Variants in IRF6 observed in about 807,000 individuals in gnomAD.
IRF6 encodes interferon regulatory factor 6.
IRF6 carries 6 observed loss-of-function variants against 51.4 expected under a neutral mutation model. That is an observed-to-expected ratio of 0.12 (90% CI 0.06 to 0.23). IRF6 has a LOEUF of 0.23. Among genes scored for constraint, IRF6 ranks in the 10% least tolerant of loss-of-function variants. IRF6 has a pLI of 1.00. For missense variants in IRF6, 348 were observed against 585.2 expected (o/e 0.59, Z 4.18); for synonymous variants, 178 against 215.7 (o/e 0.83, Z 1.53).
chr1:209,795,328 A>T lies in IRF6; in HGVS notation c.470T>A (p.Val157Asp). Residue 157 changes from valine (V) to aspartate (D), a missense_variant, in exon 5 of 9, where the codon GTT becomes GAT. Physicochemically the swap from Val to Asp is radical, Grantham distance 152 (BLOSUM62 -3). Transcript: ENST00000367021. ...GAAGGGGAAGGTGTCCTGGATGGGA[A>T]CATGGTGCTGCGACTGATCCAGCTC... Reference protein sequence around the residue: ...EDELDQSQHHVPIQDTFPFLN... With the variant: ...EDELDQSQHHDPIQDTFPFLN... 11 of 1,614,198 alleles carry T rather than the reference A, an allele frequency of 6.8e-6. No individual in the cohort carries two copies. Among genetic ancestry groups the T allele is most frequent in the African/African-American group, 1.3e-5 (1 of 75,054 alleles).
At position 209,788,039 on chromosome 1, in the gene IRF6, G is replaced by A. The variant is rs2077844944; in HGVS notation, c.*381C>T. On this transcript the variant is annotated 3_prime_UTR_variant, in exon 9 of 9. Transcript: ENST00000367021. ...AGAAGGTCATTGAGTCCGTTCTAAA[G>A]CTGGATGCAATTTCAGGCACTACTC... 3.7e-6 allele frequency: 1 copy of A among 270,160 alleles called. No individual in the cohort carries two copies. The highest frequency in any genetic ancestry group is 5.1e-5 in the Admixed American group (1 of 19,748). The allele number at this position is 270,160 out of a possible 1,614,324, so 16.7% of individuals were successfully genotyped here.
Position 209,801,398 on chromosome 1 carries a change from G to C in IRF6, c.16C>G (p.Arg6Gly). The C allele has an allele frequency of 1.2e-6, 2 of 1,603,166 alleles. No homozygotes were observed. The highest frequency in any genetic ancestry group is 1.7e-6 in the Non-Finnish European group (2 of 1,175,380). MALHP[R>G]RVRLKPWLVA... ...AGCCAGGGCTTTAGCCGGACTCTGCGGGGGTGGAGGGCCATGATCTGGGGG... is the reference window on the plus strand; with the variant it reads ...AGCCAGGGCTTTAGCCGGACTCTGCCGGGGTGGAGGGCCATGATCTGGGGG... Residue 6 changes from arginine to glycine, a missense_variant, in exon 3 of 9, where the codon CGC becomes GGC. Transcript: ENST00000367021.
Position 209,788,266 on chromosome 1 carries a change from T to C in IRF6, c.*154A>G, listed in dbSNP as rs2077846006. The C allele has an allele frequency of 1.6e-6, 1 of 634,482 alleles. No individual in the cohort carries two copies. The highest frequency in any genetic ancestry group is 2.0e-5 in the South Asian group (1 of 50,264). 39.3% of individuals were successfully genotyped at this position (634,482 alleles called of 1,614,324 possible). On this transcript the variant is annotated 3_prime_UTR_variant, in exon 9 of 9. Coordinates refer to ENST00000367021, the MANE Select transcript of IRF6 (RefSeq NM_006147.4). ...TCTGAAGGGTGATTTTTCCATAAAT[T>C]AAATCAGCTTTAAATCTAGGCATAT...
At chr1:209,798,550 C>T (rs533299614) in intron 3 of IRF6, among the ~76,000 whole-genome samples, 129 of 152,314 alleles carry the variant, frequency 8.5e-4, no homozygotes, top group Middle Eastern at 3.4e-3. Context: ...AGGACCCACC[C>T]AGATTGCACT....
intron 1 of IRF6, among the ~76,000 whole-genome samples, chr1:209,805,161 C>T (rs765706693): frequency 4.5e-4 from 69 of 152,178 alleles, no homozygotes; most frequent in Non-Finnish European, 4.3e-4. Context: ...CACCCAAGCG[C>T]CTTCCTCTCT....
At chr1:209,794,839 C>G (rs1436400423) in intron 5 of IRF6, among the ~76,000 whole-genome samples, 1 of 152,214 alleles carries the variant, frequency 6.6e-6, no homozygotes, top group East Asian at 1.9e-4. Context: ...CTATCAGCTA[C>G]AGACATCACA....
intron 5 of IRF6, 118 bp from the exon 6 acceptor site, chr1:209,792,545 G>A (rs746192464): frequency 4.2e-5 from 44 of 1,057,486 alleles, no homozygotes; most frequent in Non-Finnish European, 4.9e-5. Context: ...CTGACCCAGT[G>A]TGATCTTCCA....
At position 209,801,234 on chromosome 1, in the gene IRF6, C is replaced by A; in HGVS notation, c.174+6G>T. The A allele has an allele frequency of 6.2e-7, 1 of 1,600,298 alleles. No individual in the cohort carries two copies. Among genetic ancestry groups the A allele is most frequent in the Non-Finnish European group, 8.5e-7 (1 of 1,169,842 alleles). On this transcript the variant is annotated splice_donor_region_variant and intron_variant, in intron 3 of 8. Transcript: ENST00000367021. ...GAAAGGTCTGATGGTAGAAGAAGTC[C>A]TTTACCTTAAAAATGGTATTTTCCT...
chr1:209,797,589 T>G (rs755178211), intron 3 of IRF6, among the ~76,000 whole-genome samples: 2 of 152,030 alleles, frequency 1.3e-5, no homozygotes, highest in Non-Finnish European at 2.9e-5. Context: ...TAAAACCACT[T>G]CGACTCCTTC....
Position 209,792,298 on chromosome 1 carries a change from G to A in IRF6, c.638C>T (p.Ser213Phe). 6.2e-7 allele frequency: 1 copy of A among 1,614,220 alleles called. No homozygotes were observed. Among genetic ancestry groups the A allele is most frequent in the East Asian group, 2.2e-5 (1 of 44,886 alleles). ...PQAPIQPFYSSPELWISSLPM... is the reference protein window; with the variant it reads ...PQAPIQPFYSFPELWISSLPM... ...GAGAGAGCTGATCCACAGTTCTGGA[G>A]AGCTATAGAAGGGCTGTATAGGTGC... is the stretch of plus-strand genomic sequence containing the variant. The change falls in exon 6 of 9, where the codon TCT becomes TTT. Residue 213 changes from serine to phenylalanine, a missense_variant. Ser to Phe is a radical substitution (Grantham distance 155). Around this residue, in one of 5 missense-constraint regions of IRF6, gnomAD observed 124 missense variants for 141.6 expected, o/e 0.88. Coordinates refer to ENST00000367021, the MANE Select transcript of IRF6 (RefSeq NM_006147.4).
At chr1:209,797,692 C>G (rs2077911729) in intron 3 of IRF6, among the ~76,000 whole-genome samples, 1 of 152,198 alleles carries the variant, frequency 6.6e-6, no homozygotes, top group African/African-American at 2.4e-5. Flanking sequence ...CTAAGCCGCT[C>G]AAGTCATAGA....
intron 1 of IRF6, among the ~76,000 whole-genome samples, chr1:209,804,182 T>A (rs937567367): frequency 6.6e-6 from 1 of 152,192 alleles, no homozygotes; most frequent in Admixed American, 6.5e-5. Flanking sequence ...GTAACAACAA[T>A]CCTTTGTATC....
In IRF6 at chr1:209,796,555, G is replaced by C; in HGVS notation, c.175-3C>G. 6.2e-7 allele frequency: 1 copy of C among 1,612,066 alleles called. No individual in the cohort carries two copies. Among genetic ancestry groups the C allele is most frequent in the Non-Finnish European group, 8.5e-7 (1 of 1,179,716 alleles). ...TTCCCTGTCTCTACAGCCCAGGCCT[G>C]AGAACAAGAAACCACAGTGAGTCCT... On this transcript the variant is annotated splice_polypyrimidine_tract_variant and splice_region_variant and intron_variant, in intron 3 of 8. Coordinates refer to ENST00000367021, the MANE Select transcript of IRF6 (RefSeq NM_006147.4). This position sits in a 1 kb window ranked among gnomAD's most constrained non-coding sequence, Gnocchi z 4.5.
At chr1:209,801,204 A>AT in intron 3 of IRF6, 36 bp downstream of exon 3, 1 of 1,492,232 alleles carries the variant, frequency 6.7e-7, no homozygotes, top group Non-Finnish European at 9.2e-7. Context: ...AAAAAAAAAA[A>AT]TCCAGAAAGG....
At chr1:209,795,139 CCT>C in intron 5 of IRF6, 149 bp downstream of exon 5, 1 of 916,890 alleles carries the variant, frequency 1.1e-6, no homozygotes, top group South Asian at 1.3e-5. Context: ...GAGTTCCTCA[CCT>C]CTGACTCCCA....
At position 209,796,573 on chromosome 1, in the gene IRF6, T is replaced by G. The variant is rs2077902628; in HGVS notation, c.175-21A>C. 1 of 1,603,436 alleles carries G rather than the reference T, an allele frequency of 6.2e-7. No individual in the cohort carries two copies. Among genetic ancestry groups the G allele is most frequent in the African/African-American group, 1.3e-5 (1 of 74,388 alleles). Reference sequence around the variant, plus strand: ...CAGGCCTGAGAACAAGAAACCACAGTGAGTCCTATCATTGCCCAGAGCCAC... The same window carrying G: ...CAGGCCTGAGAACAAGAAACCACAGGGAGTCCTATCATTGCCCAGAGCCAC... On this transcript the variant is annotated intron_variant, in intron 3 of 8. Transcript: ENST00000367021. This position sits in a 1 kb window ranked among gnomAD's most constrained non-coding sequence, Gnocchi z 4.5.
At position 209,788,281 on chromosome 1, in the gene IRF6, T is replaced by G. The variant is rs1466363399; in HGVS notation, c.*139A>C. On this transcript the variant is annotated 3_prime_UTR_variant, in exon 9 of 9. Coordinates refer to ENST00000367021, the MANE Select transcript of IRF6 (RefSeq NM_006147.4). ...TTCCATAAATTAAATCAGCTTTAAA[T>G]CTAGGCATATTTGGAGAATCACAAA... The G allele has an allele frequency of 1.5e-6, 1 of 657,804 alleles. No individual in the cohort carries two copies. Among genetic ancestry groups the G allele is most frequent in the African/African-American group, 1.8e-5 (1 of 54,796 alleles). 40.7% of individuals were successfully genotyped at this position (657,804 alleles called of 1,614,324 possible).
At position 209,790,964 on chromosome 1, in the gene IRF6, T is replaced by C. The variant is rs1438963211; in HGVS notation, c.668-77A>G. On this transcript the variant is annotated intron_variant, in intron 6 of 8. Transcript: ENST00000367021. The surrounding 1 kb of genome is among the most constrained non-coding windows in gnomAD (Gnocchi z 4.8). Reference sequence around the variant, plus strand: ...CATCCCTGTGACTCATGCAAGTCCATTAAGATCAAGCCACCTTTCAACCAG... The same window carrying C: ...CATCCCTGTGACTCATGCAAGTCCACTAAGATCAAGCCACCTTTCAACCAG... 1.2e-6 allele frequency: 2 copies of C among 1,606,800 alleles called. No individual in the cohort carries two copies. The highest frequency in any genetic ancestry group is 8.5e-7 in the Non-Finnish European group (1 of 1,179,850).
At chr1:209,798,978 G>T (rs986323044) in intron 3 of IRF6, among the ~76,000 whole-genome samples, 2 of 150,192 alleles carry the variant, frequency 1.3e-5, no homozygotes, top group African/African-American at 2.4e-5. Context: ...CAATCATTGT[G>T]ATTTATAAAC....
Sources: gnomAD v4.1 joint callset for allele counts (sites outside exome capture counted in the v4.1 genomes callset) on GRCh38, gnomAD v4.1.1 for gene constraint, gnomAD v4.1.1 regional missense constraint, Gnocchi (gnomAD v3.1) non-coding constraint, MANE v1.5 for transcripts, NCBI Gene and HGNC (gene_info 2026-07-23, HGNC 2026-07-21) for gene names.